The following MYPN variants were observed in gnomAD, a reference collection of about 807,000 sequenced individuals.
MYPN encodes the protein myopalladin.
Under a neutral mutation model 129.4 loss-of-function variants are expected in MYPN, and 63 were observed. The ratio of observed to expected loss-of-function variants is 0.49; its 90% confidence interval spans 0.40 to 0.60. MYPN has a LOEUF of 0.60. MYPN is among the 20% of genes least tolerant of loss of function. MYPN has a pLI of 0.00. For synonymous variants in MYPN, 629 were observed against 600.9 expected (o/e 1.05, Z -0.68); for missense variants, 1,596 against 1,635.4 (o/e 0.98, Z 0.42).
rs374211602 is a variant in MYPN at position 68,158,646 on chromosome 10, T to C, written c.1459+19T>C. On this transcript the variant is annotated intron_variant, in intron 7 of 19. Transcript: ENST00000358913. The stretch of plus-strand genomic sequence containing the variant: ...CAGAAAAGTAAGTTAATACTTTAAA[T>C]TATTTTCTGATATTTTGTTTTTATG... 4.3e-5 allele frequency: 65 copies of C among 1,511,310 alleles called. No individual in the cohort carries two copies. The highest frequency in any genetic ancestry group is 5.2e-5 in the Non-Finnish European group (57 of 1,092,668). 93.6% of individuals were successfully genotyped at this position (1,511,310 alleles called of 1,614,324 possible).
rs2043044750 is a variant in MYPN, at chr10:68,165,813, T to C, written c.1595T>C (p.Val532Ala). 1 of 1,613,010 alleles carries C rather than the reference T, an allele frequency of 6.2e-7. No homozygotes were observed. The highest frequency in any genetic ancestry group is 1.3e-5 in the African/African-American group (1 of 74,918). ...GTGTCAAGCATTGCACAGCTGCACG[T>C]GAGAGGTAAGGACTCTTTAATGCTA... ...GTVSSIAQLH[V>A]RGNEDLSNNG... is the part of the protein sequence containing the mutation. The change falls in exon 9 of 20, where the codon GTG becomes GCG. Residue 532 changes from valine to alanine, a missense_variant. By Grantham distance (64) the Val-to-Ala change is moderately conservative (BLOSUM62 0). Coordinates refer to ENST00000358913, the MANE Select transcript of MYPN (RefSeq NM_032578.4).
Position 68,174,163 on chromosome 10 carries a change from A to G in MYPN, c.2071A>G (p.Ser691Gly). Residue 691 changes from serine (S) to glycine (G), a missense_variant, in exon 11 of 20, where the codon AGC (serine) becomes GGC (glycine). Physicochemically the swap from Ser to Gly is moderately conservative, Grantham distance 56 (BLOSUM62 0). Coordinates refer to ENST00000358913, the MANE Select transcript of MYPN (RefSeq NM_032578.4). ...PPSSPKEFPF[S>G]MTVLNSNAPP... is the part of the protein sequence containing the mutation. ...TTCATCTCCTAAGGAGTTTCCTTTC[A>G]GCATGACTGTTTTGAACTCCAATGC... is the stretch of plus-strand genomic sequence containing the variant. 3.1e-6 allele frequency: 5 copies of G among 1,614,044 alleles called. No homozygotes were observed. The highest frequency in any genetic ancestry group is 4.2e-6 in the Non-Finnish European group (5 of 1,179,950).
Position 68,194,399 on chromosome 10 carries a change from A to C in MYPN, c.2962A>C (p.Arg988=). The C allele has an allele frequency of 6.2e-7, 1 of 1,613,848 alleles. No homozygotes were observed. The highest frequency in any genetic ancestry group is 1.7e-4 in the Middle Eastern group (1 of 6,060). Residue 988 remains arginine (R), a synonymous_variant, in exon 14 of 20, where the codon AGA becomes CGA. Transcript: ENST00000358913. Reference sequence around the variant, plus strand: ...CAAAGATGGGAAGCAGATTTCTAAGAGAAATGAGCACTGCAAAATGAGGCG... The same window carrying C: ...CAAAGATGGGAAGCAGATTTCTAAGCGAAATGAGCACTGCAAAATGAGGCG... ...WFKDGKQISK[R]NEHCKMRREG...
In MYPN at chr10:68,135,487, T is replaced by C. The variant is rs2042472622; in HGVS notation, c.903-7453T>C. ...CACTCTGTATATGAAGAAGAGTTAC[T>C]CTGATGCTTGGAGAGAGCTGGAAAT... is the stretch of plus-strand genomic sequence containing the variant. On this transcript the variant is annotated intron_variant, in intron 2 of 19. Coordinates refer to ENST00000358913, the MANE Select transcript of MYPN (RefSeq NM_032578.4). The C allele has an allele frequency of 5.1e-6, 5 of 984,870 alleles. No homozygotes were observed. The South Asian group carries it at 2.3e-4, about 46-fold the overall frequency. The allele number at this position is 984,870 out of a possible 1,614,324, so 61.0% of individuals were successfully genotyped here.
At chr10:68,157,070 CA>C (rs2042887895) in intron 6 of MYPN, among the ~76,000 whole-genome samples, 1 of 152,184 alleles carries the variant, frequency 6.6e-6, no homozygotes, top group East Asian at 1.9e-4. Context: ...AAAAAATGTG[CA>C]TTTTATTATC....
chr10:68,089,624 C>CTCAA (rs1324914327), intron 1 of MYPN, among the ~76,000 whole-genome samples: 1 of 152,096 alleles, frequency 6.6e-6, no homozygotes, highest in East Asian at 1.9e-4. Flanking sequence ...GGATTACAGG[C>CTCAA]GTGAGCCAGC....
At chr10:68,208,774 C>T (rs151052610) in intron 19 of MYPN, among the ~76,000 whole-genome samples, 87 of 152,198 alleles carry the variant, frequency 5.7e-4, no homozygotes, top group African/African-American at 1.9e-3. Flanking sequence ...GGGCTGGAAT[C>T]GATTCCCTTC....
chr10:68,143,118 A>G lies in MYPN; in HGVS notation c.1078+3A>G, dbSNP rs2042603390. ...TTCTGCTGAGATTTATATAGAAGGT[A>G]AAACAAAATGCTCTTGGAGTATGAC... On this transcript the variant is annotated splice_donor_region_variant and intron_variant, in intron 3 of 19. Coordinates refer to ENST00000358913, the MANE Select transcript of MYPN (RefSeq NM_032578.4). 2 of 1,613,674 alleles carry G rather than the reference A, an allele frequency of 1.2e-6. No homozygotes were observed. Among genetic ancestry groups the G allele is most frequent in the East Asian group, 4.5e-5 (2 of 44,868 alleles).
In MYPN at chr10:68,211,764, C is replaced by T. The variant is rs1043991259; in HGVS notation, c.*1309C>T. On this transcript the variant is annotated 3_prime_UTR_variant, in exon 20 of 20. Transcript: ENST00000358913. Reference sequence around the variant, plus strand: ...TCTTATATTCTGCAGGAATATGCCACCCACACACCAGTCCAAACACTGCCC... The same window carrying T: ...TCTTATATTCTGCAGGAATATGCCATCCACACACCAGTCCAAACACTGCCC... 17 of 454,076 alleles carry T rather than the reference C, an allele frequency of 3.7e-5. No individual in the cohort carries two copies. In the East Asian group the frequency reaches 8.3e-4, roughly 22 times the overall value. The allele number at this position is 454,076 out of a possible 1,614,324, so 28.1% of individuals were successfully genotyped here. A position where few individuals can be genotyped will look rare whatever the true frequency, so the allele number is the denominator to read the frequency against.
intron 7 of MYPN, among the ~76,000 whole-genome samples, chr10:68,160,429 C>CA (rs56201900): frequency 0.039 from 2,395 of 62,010 alleles, 382 homozygotes; most frequent in African/African-American, 0.16. Context: ...GACCTTATCT[C>CA]AAAAAAAAAA....
In MYPN at chr10:68,151,458, G is replaced by A. The variant is rs12246599; in HGVS notation, c.1317+1347G>A. 4.3e-3 allele frequency among the ~76,000 whole-genome samples: 652 copies of A among 152,288 alleles called. 7 individuals carry two copies. Among genetic ancestry groups the A allele is most frequent in the African/African-American group, 0.015 (623 of 41,562 alleles). Reference sequence around the variant, plus strand: ...TAGGAGAGCAACATGTTGTGATTTGGTGGATACAAGACTTTGATGAGGAGT... The same window carrying A: ...TAGGAGAGCAACATGTTGTGATTTGATGGATACAAGACTTTGATGAGGAGT... On this transcript the variant is annotated intron_variant, in intron 6 of 19. Transcript: ENST00000358913.
At chr10:68,204,103 G>A (rs1490060508) in intron 18 of MYPN, among the ~76,000 whole-genome samples, 1 of 152,166 alleles carries the variant, frequency 6.6e-6, no homozygotes, top group Non-Finnish European at 1.5e-5. Context: ...CTGAGTTGAT[G>A]TTCTTCTACC....
At chr10:68,192,971 T>C (rs986294165) in intron 13 of MYPN, among the ~76,000 whole-genome samples, 2 of 152,152 alleles carry the variant, frequency 1.3e-5, no homozygotes, top group East Asian at 3.8e-4. Flanking sequence ...CACCAACTTT[T>C]CATCTCTTGT....
chr10:68,175,601 G>A, intron 12 of MYPN, 140 bp downstream of exon 12: 2 of 905,530 alleles, frequency 2.2e-6, no homozygotes, highest in South Asian at 2.9e-5. Flanking sequence ...ACTAACCAAA[G>A]GTCATGTGAG....
At chr10:68,185,284 T>C (rs1312854085) in intron 12 of MYPN, among the ~76,000 whole-genome samples, 1 of 151,914 alleles carries the variant, frequency 6.6e-6, no homozygotes, top group African/African-American at 2.4e-5. Flanking sequence ...AGAAAGAAAC[T>C]GGGACTTCTG....
intron 1 of MYPN, among the ~76,000 whole-genome samples, chr10:68,093,171 T>C (rs766268957): frequency 6.6e-6 from 1 of 152,144 alleles, no homozygotes; most frequent in Non-Finnish European, 1.5e-5. Flanking sequence ...AGCCACCAGG[T>C]CCAGCTGTCT....
intron 1 of MYPN, among the ~76,000 whole-genome samples, chr10:68,118,691 A>T (rs2042193004): frequency 6.6e-6 from 1 of 151,914 alleles, no homozygotes; most frequent in Non-Finnish European, 1.5e-5. Flanking sequence ...AATATTAGCC[A>T]GGTGTGGTGG....
At chr10:68,120,808 C>T (rs2042229953) in intron 1 of MYPN, among the ~76,000 whole-genome samples, 2 of 152,148 alleles carry the variant, frequency 1.3e-5, no homozygotes, top group Admixed American at 1.3e-4. Context: ...TTATCAATAT[C>T]AGGCTTAGAA....
upstream of MYPN, chr10:68,106,147 G>T (rs1033883944): frequency 2.2e-6 from 1 of 453,982 alleles, no homozygotes; most frequent in Non-Finnish European, 4.4e-6. Flanking sequence ...GATGATCCTG[G>T]TTGATTGATA....
Sources: allele counts gnomAD v4.1 joint callset (sites outside exome capture counted in the v4.1 genomes callset), GRCh38; gene constraint gnomAD v4.1.1; transcripts MANE v1.5; gene names NCBI Gene and HGNC (gene_info 2026-07-23, HGNC 2026-07-21).